Variants in OPCML observed in about 807,000 individuals in gnomAD.
OPCML encodes opioid binding protein/cell adhesion molecule like.
A neutral mutation model predicts 37.8 loss-of-function variants in OPCML; 13 were observed. That is an observed-to-expected ratio of 0.34 (90% CI 0.22 to 0.55). The LOEUF (loss-of-function observed/expected upper bound fraction) is 0.55. OPCML is among the 20% of genes least tolerant of loss of function. The pLI, the probability that OPCML is intolerant of heterozygous loss-of-function variation, is 0.91. For synonymous variants in OPCML, 176 were observed against 168.8 expected (o/e 1.04, Z -0.33); for missense variants, 341 against 435.6 (o/e 0.78, Z 1.93).
chr11:132,565,789 T>C (rs2096421422), intron 3 of OPCML, among the ~76,000 whole-genome samples: 1 of 152,226 alleles, frequency 6.6e-6, no homozygotes, highest in Non-Finnish European at 1.5e-5. Flanking sequence ...TCCCAGCATT[T>C]TGGGAGGCTG....
chr11:132,734,177 CA>C (rs1159636240), intron 2 of OPCML, among the ~76,000 whole-genome samples: 1 of 152,144 alleles, frequency 6.6e-6, no homozygotes, highest in Non-Finnish European at 1.5e-5. Flanking sequence ...AATGGAGCTT[CA>C]GATTTTAAGA....
rs138110736 is a variant in OPCML, at chr11:133,295,492, G to C, written c.61+236772C>G. 4.1e-3 allele frequency among the ~76,000 whole-genome samples: 622 copies of C among 152,260 alleles called. 1 individual carries two copies. The highest frequency in any genetic ancestry group is 0.014 in the African/African-American group (592 of 41,530). On this transcript the variant is annotated intron_variant, in intron 1 of 7. Coordinates refer to ENST00000524381, the MANE Select transcript of OPCML (RefSeq NM_001012393.5). Reference sequence around the variant, plus strand: ...CCTATTGCAGAATCTGTACTCTTAAGTGTGTAAGGAAATTACAAATAAGCA... The same window carrying C: ...CCTATTGCAGAATCTGTACTCTTAACTGTGTAAGGAAATTACAAATAAGCA...
intron 2 of OPCML, among the ~76,000 whole-genome samples, chr11:132,849,353 C>T (rs1285994136): frequency 1.3e-5 from 2 of 152,192 alleles, no homozygotes; most frequent in Admixed American, 1.3e-4. Flanking sequence ...CTAGCCAACA[C>T]ATGTTATTGA....
At chr11:133,341,656 C>T (rs749325771) in intron 1 of OPCML, among the ~76,000 whole-genome samples, 3 of 152,162 alleles carry the variant, frequency 2.0e-5, no homozygotes, top group Admixed American at 6.5e-5. Context: ...CAGTGGCTCA[C>T]GCCTGTAATC....
At position 132,441,414 on chromosome 11, in the gene OPCML, C is replaced by T. The variant is rs529401594; in HGVS notation, c.506-4055G>A. 2.3e-4 allele frequency among the ~76,000 whole-genome samples: 35 copies of T among 151,886 alleles called. 1 individual carries two copies. The highest frequency in any genetic ancestry group is 4.4e-4 in the Non-Finnish European group (30 of 67,944). The stretch of plus-strand genomic sequence containing the variant: ...CGATCTCCTGACCTCGTGATCCGCC[C>T]GCCTCGGCCTCCCAAAGTGCTGGGA... On this transcript the variant is annotated intron_variant, in intron 4 of 7. Transcript: ENST00000524381.
intron 1 of OPCML, among the ~76,000 whole-genome samples, chr11:133,417,043 A>G (rs940108033): frequency 1.3e-5 from 2 of 152,194 alleles, no homozygotes; most frequent in Admixed American, 1.3e-4. Flanking sequence ...CCTGGAGAGT[A>G]AGGTGCCCAG....
intron 1 of OPCML, among the ~76,000 whole-genome samples, chr11:133,234,694 C>A (rs971953247): frequency 1.2e-4 from 18 of 152,240 alleles, no homozygotes; most frequent in Admixed American, 1.1e-3. Flanking sequence ...CTTCAGCCTT[C>A]TTCTCCAAGT....
At chr11:133,004,444 A>T in intron 1 of OPCML, 1 of 985,448 alleles carries the variant, frequency 1.0e-6, no homozygotes, top group Non-Finnish European at 1.2e-6. Flanking sequence ...GCAAGGCAGC[A>T]TGTGGAGGCT....
At chr11:132,660,848 G>A (rs1941944916) in intron 2 of OPCML, among the ~76,000 whole-genome samples, 1 of 152,140 alleles carries the variant, frequency 6.6e-6, no homozygotes, top group Admixed American at 6.5e-5. Flanking sequence ...TTATCTCCTG[G>A]ACGAAGTGTG....
intron 2 of OPCML, among the ~76,000 whole-genome samples, chr11:132,881,900 T>C (rs899919940): frequency 2.0e-5 from 3 of 152,234 alleles, no homozygotes; most frequent in Non-Finnish European, 2.9e-5. Flanking sequence ...GATTTGCATA[T>C]TTAGCATACA....
At chr11:132,589,766 C>T (rs934252268) in intron 3 of OPCML, among the ~76,000 whole-genome samples, 7 of 152,066 alleles carry the variant, frequency 4.6e-5, no homozygotes, top group Non-Finnish European at 1.0e-4. Flanking sequence ...GTTAAGAAGA[C>T]GAAAAGTGGA....
chr11:132,824,032 T>C (rs1265057880), intron 2 of OPCML, among the ~76,000 whole-genome samples: 1 of 152,202 alleles, frequency 6.6e-6, no homozygotes, highest in Admixed American at 6.5e-5. Context: ...CCTGAAACTC[T>C]TTCCTACCTA....
chr11:133,026,296 G>T (rs10750524), intron 1 of OPCML: 3 of 845,638 alleles, frequency 3.5e-6, no homozygotes, highest in East Asian at 1.2e-4. Context: ...ATGGATTTGG[G>T]GTTTGGGCTT....
chr11:133,210,095 G>A (rs1387838961), intron 1 of OPCML, among the ~76,000 whole-genome samples: 2 of 152,218 alleles, frequency 1.3e-5, no homozygotes. Context: ...CACGGCATGT[G>A]CCTGACAGAC....
chr11:133,443,457 G>A (rs1946405067), intron 1 of OPCML, among the ~76,000 whole-genome samples: 1 of 152,158 alleles, frequency 6.6e-6, no homozygotes, highest in African/African-American at 2.4e-5. Context: ...ATGCAGAGAT[G>A]GCTTTGGCAG....
chr11:132,486,816 C>G (rs1012518704), intron 4 of OPCML, among the ~76,000 whole-genome samples: 1 of 152,040 alleles, frequency 6.6e-6, no homozygotes, highest in Non-Finnish European at 1.5e-5. Context: ...ATCAGTTTAG[C>G]AAAGCTTAAC....
At chr11:132,981,318 G>C (rs546027539) in intron 1 of OPCML, among the ~76,000 whole-genome samples, 9 of 152,266 alleles carry the variant, frequency 5.9e-5, no homozygotes, top group East Asian at 1.9e-4. Context: ...ATAAGGCCAC[G>C]TGGTGGTTAG....
At chr11:132,738,500 T>C (rs1252817001) in intron 2 of OPCML, among the ~76,000 whole-genome samples, 1 of 152,224 alleles carries the variant, frequency 6.6e-6, no homozygotes, top group Non-Finnish European at 1.5e-5. Flanking sequence ...TCTAATTCTA[T>C]AAAGAATGTC....
At chr11:133,050,017 G>A (rs1277871174) in intron 1 of OPCML, among the ~76,000 whole-genome samples, 3 of 152,182 alleles carry the variant, frequency 2.0e-5, no homozygotes, top group Non-Finnish European at 2.9e-5. Flanking sequence ...TAATCCAAAG[G>A]GAGATTGTCT....
Sources: allele counts gnomAD v4.1 joint callset (sites outside exome capture counted in the v4.1 genomes callset), GRCh38; gene constraint gnomAD v4.1.1; transcripts MANE v1.5; gene names NCBI Gene and HGNC (gene_info 2026-07-23, HGNC 2026-07-21).